NOS1: variants seen among roughly 807,000 people sequenced by gnomAD.
The protein encoded by NOS1 is nitric oxide synthase 1, also known as NOS type I.
In NOS1, 51 loss-of-function variants were observed where a neutral mutation model predicts 164.5. That is an observed-to-expected ratio of 0.31 (90% CI 0.25 to 0.39). The LOEUF (loss-of-function observed/expected upper bound fraction) is 0.39. NOS1 is among the 10% of genes least tolerant of loss of function. The probability of loss-of-function intolerance (pLI) is 1.00; values close to 1 mark genes in which losing one functional copy is unlikely to be tolerated. For synonymous variants in NOS1, 719 were observed against 745.8 expected, an observed-to-expected ratio of 0.96 and a Z score of 0.59; for missense variants, 1,362 against 1,885.6, an observed-to-expected ratio of 0.72 and a Z score of 5.14.
At chr12:117,343,552 C>A (rs979327180) in intron 1 of NOS1, among the ~76,000 whole-genome samples, 3 of 152,086 alleles carry the variant, frequency 2.0e-5, no homozygotes, top group East Asian at 1.9e-4. Context: ...TTTGTGAAAT[C>A]GAAACAGTAA....
rs546683359 is a variant in NOS1, at chr12:117,332,433, A to T, written c.-420-944T>A. Reference sequence around the variant, plus strand: ...TAAACTTATACTCTAGCTCTTTCAAATTTATATTATAGTACAGGTATGGTG... The same window carrying T: ...TAAACTTATACTCTAGCTCTTTCAATTTTATATTATAGTACAGGTATGGTG... On this transcript the variant is annotated intron_variant, in intron 1 of 28. Transcript: ENST00000317775. Among the ~76,000 whole-genome samples the T allele has an allele frequency of 2.0e-5, 3 of 152,240 alleles. No individual in the cohort carries two copies. In the South Asian group the frequency reaches 6.2e-4, roughly 32 times the overall value.
chr12:117,259,145 C>A lies in NOS1; in HGVS notation c.2368-15G>T, dbSNP rs757869543. On this transcript the variant is annotated splice_polypyrimidine_tract_variant and intron_variant, in intron 14 of 28. Transcript: ENST00000317775. ...ATGGACATCACCTAGGTGGGCAGGG[C>A]ACAGGTATAGGATGGGGAGAGGAAG... The A allele has an allele frequency of 6.4e-7, 1 of 1,570,846 alleles. No individual in the cohort carries two copies. The highest frequency in any genetic ancestry group is 1.1e-5 in the South Asian group (1 of 90,036).
At chr12:117,273,382 C>G (rs1872933106) in intron 9 of NOS1, among the ~76,000 whole-genome samples, 1 of 152,116 alleles carries the variant, frequency 6.6e-6, no homozygotes, top group African/African-American at 2.4e-5. Context: ...AGATATCAGG[C>G]AGTGTCAGGA....
intron 1 of NOS1, among the ~76,000 whole-genome samples, chr12:117,336,503 G>C (rs781669907): frequency 6.6e-6 from 1 of 152,168 alleles, no homozygotes; most frequent in Non-Finnish European, 1.5e-5. Context: ...GTTGCAATGT[G>C]CTGCAAGAGT....
intron 16 of NOS1, among the ~76,000 whole-genome samples, chr12:117,257,803 CTTTTT>C (rs34828673): frequency 8.3e-6 from 1 of 120,504 alleles, no homozygotes. Flanking sequence ...TTACACAGTG[CTTTTT>C]TTTTTTTTTT....
chr12:117,301,302 T>C (rs1389633018), intron 3 of NOS1, among the ~76,000 whole-genome samples: 1 of 149,044 alleles, frequency 6.7e-6, no homozygotes, highest in Non-Finnish European at 1.5e-5. Context: ...TAATATTTTT[T>C]GTATTTTTAG....
chr12:117,298,957 C>T (rs1204371203), intron 3 of NOS1, among the ~76,000 whole-genome samples: 1 of 152,244 alleles, frequency 6.6e-6, no homozygotes, highest in East Asian at 1.9e-4. Context: ...GACAGCTCCT[C>T]TATTAGAGGC....
At position 117,218,168 on chromosome 12, in the gene NOS1, GA is replaced by G. The variant is rs1391656909; in HGVS notation, c.4171-5del. On this transcript the variant is annotated splice_polypyrimidine_tract_variant and splice_region_variant and intron_variant, in intron 27 of 28. Transcript: ENST00000317775. ...CCTCATGGTATCGGTTGTCATCCTA[GA>G]AGACAGAAACAGCCAGAAAACAGCT... The G allele has an allele frequency of 1.9e-6, 3 of 1,610,276 alleles. No homozygotes were observed. The highest frequency in any genetic ancestry group is 2.5e-6 in the Non-Finnish European group (3 of 1,176,566).
At chr12:117,342,120 T>C (rs769952187) in intron 1 of NOS1, among the ~76,000 whole-genome samples, 45 of 152,150 alleles carry the variant, frequency 3.0e-4, no homozygotes, top group Non-Finnish European at 8.8e-5. Flanking sequence ...ACTTTTTTTT[T>C]CCTCCCTCCC....
intron 25 of NOS1, among the ~76,000 whole-genome samples, chr12:117,223,315 T>C (rs1244665538): frequency 1.3e-5 from 2 of 151,112 alleles, no homozygotes; most frequent in Non-Finnish European, 2.9e-5. Flanking sequence ...CAGGCTGGAG[T>C]GCGTGGCACG....
chr12:117,343,938 T>C (rs987825259), intron 1 of NOS1, among the ~76,000 whole-genome samples: 1 of 152,206 alleles, frequency 6.6e-6, no homozygotes, highest in African/African-American at 2.4e-5. Flanking sequence ...CAGTTACAAA[T>C]GAATTTCAGT....
At chr12:117,259,472 T>C (rs556020110) in intron 14 of NOS1, among the ~76,000 whole-genome samples, 2 of 152,152 alleles carry the variant, frequency 1.3e-5, no homozygotes, top group African/African-American at 4.8e-5. Context: ...TTATAGTCAA[T>C]TGGTCTTGGA....
intron 3 of NOS1, among the ~76,000 whole-genome samples, chr12:117,292,743 T>C (rs1873143503): frequency 6.6e-6 from 1 of 152,166 alleles, no homozygotes; most frequent in South Asian, 2.1e-4. Flanking sequence ...TCAGGAATAA[T>C]TCATTAATTT....
intron 1 of NOS1, 52 bp from the exon 2 acceptor site, chr12:117,331,541 AG>A (rs1875548450): frequency 1.9e-5 from 3 of 156,536 alleles, no homozygotes; most frequent in African/African-American, 7.2e-5. Flanking sequence ...AAGAGATTGA[AG>A]TAGAGTGCCC....
intron 1 of NOS1, among the ~76,000 whole-genome samples, chr12:117,335,768 G>GAGAGAGAGAGAGAC (rs1167677844): frequency 3.5e-5 from 5 of 143,208 alleles, no homozygotes; most frequent in Admixed American, 7.0e-5. Context: ...GAGAGAGAGA[G>GAGAGAGAGAGAGAC]AGACAGGGTC....
intron 18 of NOS1, among the ~76,000 whole-genome samples, chr12:117,246,681 A>G (rs539190316): frequency 4.0e-4 from 61 of 152,220 alleles, no homozygotes; most frequent in African/African-American, 7.7e-4. Flanking sequence ...TTCTGTCTCT[A>G]TGGATTTTCT....
chr12:117,243,251 T>A lies in NOS1; in HGVS notation c.2962+46A>T, dbSNP rs377097737. 2 of 1,607,062 alleles carry A rather than the reference T, an allele frequency of 1.2e-6. No individual in the cohort carries two copies. The highest frequency in any genetic ancestry group is 1.7e-6 in the Non-Finnish European group (2 of 1,176,630). On this transcript the variant is annotated intron_variant, in intron 19 of 28. Transcript: ENST00000317775. This position sits in a 1 kb window ranked among gnomAD's most constrained non-coding sequence, Gnocchi z 4.3. ...TTCTGGAGGTGAGATCACCTGCCTT[T>A]CCCCCATTGTCACGAATACCTCCCT... is the stretch of plus-strand genomic sequence containing the variant.
intron 7 of NOS1, among the ~76,000 whole-genome samples, chr12:117,281,766 G>A (rs1419630640): frequency 6.8e-6 from 1 of 147,690 alleles, no homozygotes; most frequent in Non-Finnish European, 1.5e-5. Flanking sequence ...GGAGGTAGAG[G>A]TTGCAGTGAG....
Position 117,330,227 on chromosome 12 carries a change from C to A in NOS1, c.725+118G>T. ...CAAGTGGTTATGCAAAAACAGGTATCTGAGACAGCCCAGGTTGGCTTCTGG... is the reference window on the plus strand; with the variant it reads ...CAAGTGGTTATGCAAAAACAGGTATATGAGACAGCCCAGGTTGGCTTCTGG... On this transcript the variant is annotated intron_variant, in intron 2 of 28. Transcript: ENST00000317775. The surrounding 1 kb of genome is among the most constrained non-coding windows in gnomAD (Gnocchi z 4.6). 7.0e-7 allele frequency: 1 copy of A among 1,425,370 alleles called. No individual in the cohort carries two copies. 88.3% of individuals were successfully genotyped at this position (1,425,370 alleles called of 1,614,324 possible).
Sources: gnomAD v4.1 joint callset for allele counts (sites outside exome capture counted in the v4.1 genomes callset) on GRCh38, gnomAD v4.1.1 for gene constraint, Gnocchi (gnomAD v3.1) non-coding constraint, MANE v1.5 for transcripts, NCBI Gene and HGNC (gene_info 2026-07-23, HGNC 2026-07-21) for gene names.